WNK3: variants seen among roughly 807,000 people sequenced by gnomAD.
The protein encoded by WNK3 is serine/threonine-protein kinase WNK3.
WNK3 carries 18 observed loss-of-function variants against 116.7 expected under a neutral mutation model. The observed-to-expected ratio is 0.15, with a 90% CI of 0.11 to 0.23. The LOEUF (loss-of-function observed/expected upper bound fraction) is 0.23, where lower values mean the gene tolerates loss of function less well. Ranked by LOEUF, WNK3 falls within the 10% of genes least tolerant of loss-of-function variation. The probability of loss-of-function intolerance (pLI) is 1.00; values close to 1 mark genes in which losing one functional copy is unlikely to be tolerated. For missense variants in WNK3, 993 were observed against 1,323.8 expected (o/e 0.75, Z 3.88); for synonymous variants, 404 against 469.4 (o/e 0.86, Z 1.80).
At chrX:54,212,018 A>G (rs1427458611) in intron 22 of WNK3, among the ~76,000 whole-genome samples, 1 of 111,198 alleles carries the variant, frequency 9.0e-6, no homozygotes, top group African/African-American at 3.3e-5. Context: ...TGAGGTCAGG[A>G]GATGGAGACC....
intron 2 of WNK3, among the ~76,000 whole-genome samples, chrX:54,330,756 G>T (rs1281193720): frequency 1.8e-5 from 2 of 111,768 alleles, no homozygotes; most frequent in Non-Finnish European, 3.8e-5. Context: ...ACCAACCAGG[G>T]CAACACGGCA....
chrX:54,265,104 G>A (rs2068295165), intron 10 of WNK3, among the ~76,000 whole-genome samples: 1 of 111,602 alleles, frequency 9.0e-6, no homozygotes. Context: ...AGAAGAACCA[G>A]AATAAATCAA....
chrX:54,204,479 C>T (rs1256821944), intron 22 of WNK3, among the ~76,000 whole-genome samples: 1 of 111,885 alleles, frequency 8.9e-6, no homozygotes, highest in Non-Finnish European at 1.9e-5. Flanking sequence ...TTAATCAGAA[C>T]ATTCACATAT....
intron 9 of WNK3, 26 bp from the exon 10 acceptor site, chrX:54,293,063 T>C (rs1569538118): frequency 1.7e-6 from 2 of 1,198,527 alleles, no homozygotes; most frequent in Non-Finnish European, 2.2e-6. Flanking sequence ...GAAAAAAAGA[T>C]TAAAGATAAA....
At chrX:54,235,579 G>A (rs568630493) in intron 20 of WNK3, among the ~76,000 whole-genome samples, 4 of 111,794 alleles carry the variant, frequency 3.6e-5, no homozygotes, top group African/African-American at 1.3e-4. Flanking sequence ...GAGCCACTGT[G>A]TCTGGCCAAA....
At chrX:54,230,420 C>T (rs2067887958) in intron 21 of WNK3, among the ~76,000 whole-genome samples, 1 of 111,437 alleles carries the variant, frequency 9.0e-6, no homozygotes. Flanking sequence ...AAATGCTCAA[C>T]ATCACTAACC....
rs1428631120 is a variant in WNK3 at position 54,272,548 on chromosome X, C to A, written c.2038-13210G>T. 2.7e-5 allele frequency among the ~76,000 whole-genome samples: 3 copies of A among 111,945 alleles called. No individual in the cohort carries two copies. In the Admixed American group the frequency reaches 2.9e-4, roughly 11 times the overall value. On this transcript the variant is annotated intron_variant, in intron 10 of 23. Transcript: ENST00000354646. Reference sequence around the variant, plus strand: ...GAAACTGGTTACATAATAAAATGGTCATTACCAGAATACAGGTGTGGAGTG... The same window carrying A: ...GAAACTGGTTACATAATAAAATGGTAATTACCAGAATACAGGTGTGGAGTG...
intron 17 of WNK3, among the ~76,000 whole-genome samples, chrX:54,247,569 A>G (rs1889773720): frequency 9.1e-6 from 1 of 110,464 alleles, no homozygotes; most frequent in African/African-American, 3.3e-5. Context: ...ATATTTGTAT[A>G]TTAATTAAAA....
intron 22 of WNK3, chrX:54,224,000 A>G: frequency 1.5e-5 from 2 of 131,289 alleles, no homozygotes; most frequent in Admixed American, 8.4e-5. Context: ...CTAGGGAGGC[A>G]ATATCCTGGG....
chrX:54,316,780 A>G (rs182964894), intron 2 of WNK3, among the ~76,000 whole-genome samples: 1 of 111,168 alleles, frequency 9.0e-6, no homozygotes, highest in East Asian at 2.8e-4. Flanking sequence ...AAGTAAATAA[A>G]TATATAAATA....
chrX:54,231,849 C>T (rs1018861729), intron 21 of WNK3, among the ~76,000 whole-genome samples: 5 of 110,931 alleles, frequency 4.5e-5, no homozygotes, highest in African/African-American at 1.3e-4. Flanking sequence ...CCTTACAATA[C>T]ATCCTTAACC....
chrX:54,248,826 T>C lies in WNK3; in HGVS notation c.3522A>G (p.Gln1174=), dbSNP rs781923047. ...AGCCTGTCTGTTGGAAATTAGGGGA[T>C]TGTACAGGGCTATCTTTAATTCCAC... Residue 1174 remains glutamine (Q), a synonymous_variant, in exon 17 of 24, where the codon CAA becomes CAG. Coordinates refer to ENST00000354646, the Ensembl canonical transcript of WNK3. 3.7e-5 allele frequency: 45 copies of C among 1,209,606 alleles called. No individual in the cohort carries two copies. The Admixed American group carries it at 8.8e-4, about 24-fold the overall frequency.
At chrX:54,222,639 G>C (rs1172311511) in intron 22 of WNK3, among the ~76,000 whole-genome samples, 4 of 108,141 alleles carry the variant, frequency 3.7e-5, no homozygotes, top group Non-Finnish European at 7.6e-5. Flanking sequence ...CACTCTGGGA[G>C]GCTGAGGTGG....
intron 11 of WNK3, among the ~76,000 whole-genome samples, chrX:54,257,482 C>T (rs139453622): frequency 1.8e-5 from 2 of 110,945 alleles, no homozygotes; most frequent in Admixed American, 9.6e-5. Flanking sequence ...TAAACAAGGG[C>T]GACTGCTTGC....
At position 54,198,525 on chromosome X, in the gene WNK3, A is replaced by G. The variant is rs782281173; in HGVS notation, c.5202T>C (p.Tyr1734=). 7 of 1,206,904 alleles carry G rather than the reference A, an allele frequency of 5.8e-6. No individual in the cohort carries two copies. The African/African-American group carries it at 7.1e-5, about 12-fold the overall frequency. ...TATACTGACAAACGTGAGGCATTCC[A>G]TATGATGATAATGGCCCAGGAAATG... The change falls in exon 24 of 24, where the codon TAT becomes TAC. Residue 1734 remains tyrosine (Y), a synonymous_variant. Transcript: ENST00000354646.
intron 22 of WNK3, 106 bp from the exon 23 acceptor site, chrX:54,202,299 G>A (rs2067508985): frequency 1.3e-5 from 9 of 706,238 alleles, no homozygotes; most frequent in African/African-American, 4.4e-5. Context: ...CACACATGGG[G>A]TGCAATTAGG....
intron 10 of WNK3, among the ~76,000 whole-genome samples, chrX:54,269,574 C>G (rs2068355900): frequency 9.0e-6 from 1 of 111,501 alleles, no homozygotes; most frequent in African/African-American, 3.3e-5. Flanking sequence ...TAAGTATATA[C>G]ACAAGAGAAA....
At chrX:54,357,501 G>T (rs1313123553) in intron 1 of WNK3, among the ~76,000 whole-genome samples, 185 bp downstream of exon 1, 3 of 111,258 alleles carry the variant, frequency 2.7e-5, no homozygotes, top group African/African-American at 9.8e-5. Flanking sequence ...GGTACCGACT[G>T]GTGAAGGCAC....
exon 24 of WNK3, chrX:54,197,952 TAA>T (rs782069866): frequency 7.5e-3 from 648 of 86,339 alleles, no homozygotes; most frequent in Middle Eastern, 0.022. Context: ...TAGCAGCAGT[TAA>T]AAAAAAAAAA....
Sources: gnomAD v4.1 joint callset for allele counts (sites outside exome capture counted in the v4.1 genomes callset) on GRCh38, gnomAD v4.1.1 for gene constraint, MANE v1.5 for transcripts, NCBI Gene and HGNC (gene_info 2026-07-23, HGNC 2026-07-21) for gene names.